The following MEMO1 variants were observed in gnomAD, a reference collection of about 807,000 sequenced individuals.
The protein encoded by MEMO1 is mediator of cell motility 1, also known as protein MEMO1.
In MEMO1, 6 loss-of-function variants were observed where a neutral mutation model predicts 45.2. That is an observed-to-expected ratio of 0.13 (90% confidence interval 0.07 to 0.26). The LOEUF is 0.26. Among genes scored for constraint, MEMO1 ranks in the 10% least tolerant of loss-of-function variants. The probability of loss-of-function intolerance (pLI) is 1.00; values close to 1 mark genes in which losing one functional copy is unlikely to be tolerated. For synonymous variants in MEMO1, 78 were observed against 124.3 expected (o/e 0.63, Z 2.48); for missense variants, 184 against 370.5 (o/e 0.50, Z 4.13).
intron 2 of MEMO1, among the ~76,000 whole-genome samples, chr2:31,996,202 GA>G (rs1197016774): frequency 1.3e-5 from 2 of 151,532 alleles, no homozygotes; most frequent in Non-Finnish European, 2.9e-5. Context: ...GAGAGAGACA[GA>G]GGGGGAGAGA....
At chr2:31,873,665 A>G (rs1218999576) in intron 8 of MEMO1, among the ~76,000 whole-genome samples, 3 of 152,170 alleles carry the variant, frequency 2.0e-5, no homozygotes, top group Non-Finnish European at 4.4e-5. Flanking sequence ...CGAAATAAAA[A>G]CCAGAATCAT....
At chr2:31,997,336 G>A (rs1254814657) in intron 2 of MEMO1, among the ~76,000 whole-genome samples, 1 of 152,120 alleles carries the variant, frequency 6.6e-6, no homozygotes, top group African/African-American at 2.4e-5. Flanking sequence ...AATACTCAGA[G>A]AATATACGCA....
intron 2 of MEMO1, among the ~76,000 whole-genome samples, chr2:31,952,637 T>C (rs1666965447): frequency 6.6e-6 from 1 of 152,198 alleles, no homozygotes; most frequent in African/African-American, 2.4e-5. Context: ...CAAATGCCAC[T>C]AAATACTTTG....
intron 2 of MEMO1, among the ~76,000 whole-genome samples, chr2:31,952,192 C>T (rs1054268698): frequency 6.6e-6 from 1 of 152,154 alleles, no homozygotes; most frequent in Non-Finnish European, 1.5e-5. Flanking sequence ...TTTATATAAA[C>T]CTCAAAGGTT....
chr2:31,909,763 A>G (rs886995849), intron 6 of MEMO1, among the ~76,000 whole-genome samples: 2 of 152,172 alleles, frequency 1.3e-5, no homozygotes, highest in Non-Finnish European at 2.9e-5. Flanking sequence ...TTTAAATCCT[A>G]AAATTTATAA....
chr2:31,874,206 T>G (rs1348380342), intron 8 of MEMO1, among the ~76,000 whole-genome samples: 1 of 152,116 alleles, frequency 6.6e-6, no homozygotes, highest in Non-Finnish European at 1.5e-5. Context: ...AATGATAACC[T>G]ATGACCATCT....
intron 2 of MEMO1, among the ~76,000 whole-genome samples, chr2:32,001,452 G>A (rs555960100): frequency 4.0e-5 from 6 of 151,882 alleles, no homozygotes; most frequent in Non-Finnish European, 8.8e-5. Flanking sequence ...CTAAGCATTC[G>A]TTTTTAGTTA....
chr2:31,948,173 A>G (rs2148344602), intron 2 of MEMO1, among the ~76,000 whole-genome samples: 1 of 152,346 alleles, frequency 6.6e-6, no homozygotes, highest in East Asian at 1.9e-4. Context: ...TATGTATACA[A>G]AGTTTCCTCT....
chr2:31,952,363 T>C (rs1666937335), intron 2 of MEMO1, among the ~76,000 whole-genome samples: 2 of 152,228 alleles, frequency 1.3e-5, no homozygotes, highest in Non-Finnish European at 2.9e-5. Flanking sequence ...AACCACCTCT[T>C]AGATTTGGCC....
chr2:32,005,027 G>C (rs1017939047), intron 2 of MEMO1, among the ~76,000 whole-genome samples: 1 of 151,036 alleles, frequency 6.6e-6, no homozygotes, highest in African/African-American at 2.4e-5. Flanking sequence ...ACCAAAAAAA[G>C]GTATAAAAGT....
At chr2:31,976,962 A>G (rs1378519201) in intron 2 of MEMO1, among the ~76,000 whole-genome samples, 1 of 152,188 alleles carries the variant, frequency 6.6e-6, no homozygotes, top group Non-Finnish European at 1.5e-5. Flanking sequence ...CACCAGCAAC[A>G]GCCGTTTCCA....
intron 8 of MEMO1, among the ~76,000 whole-genome samples, chr2:31,879,113 C>T (rs1316756546): frequency 6.6e-6 from 1 of 152,134 alleles, no homozygotes; most frequent in Non-Finnish European, 1.5e-5. Flanking sequence ...AACATTGCTC[C>T]TTTCTGTCAT....
At chr2:31,949,213 A>G (rs1666532332) in intron 2 of MEMO1, among the ~76,000 whole-genome samples, 1 of 152,208 alleles carries the variant, frequency 6.6e-6, no homozygotes, top group African/African-American at 2.4e-5. Flanking sequence ...GGCTCCTCAA[A>G]AAATTGAAAA....
chr2:31,956,770 T>C (rs1667458698), intron 2 of MEMO1, among the ~76,000 whole-genome samples: 1 of 152,230 alleles, frequency 6.6e-6, no homozygotes, highest in African/African-American at 2.4e-5. Context: ...TACAATACGT[T>C]GCCATTTTTG....
intron 6 of MEMO1, among the ~76,000 whole-genome samples, chr2:31,916,392 C>T (rs574766901): frequency 6.6e-6 from 1 of 152,198 alleles, no homozygotes; most frequent in South Asian, 2.1e-4. Context: ...CCACACACCG[C>T]TAATTTTTCT....
intron 2 of MEMO1, among the ~76,000 whole-genome samples, chr2:32,004,786 G>A (rs1331783575): frequency 6.6e-6 from 1 of 152,018 alleles, no homozygotes; most frequent in Non-Finnish European, 1.5e-5. Context: ...AATTATCCGG[G>A]TGTGGTGGTG....
intron 4 of MEMO1, among the ~76,000 whole-genome samples, chr2:31,929,295 T>C (rs760836509): frequency 6.6e-6 from 1 of 152,198 alleles, no homozygotes; most frequent in Non-Finnish European, 1.5e-5. Flanking sequence ...ATTTTTATTA[T>C]TTTTGATATT....
At position 31,877,740 on chromosome 2, in the gene MEMO1, A is replaced by G. The variant is rs1279989202; in HGVS notation, c.657+5646T>C. Among the ~76,000 whole-genome samples, 3 of 152,160 alleles carry G rather than the reference A, an allele frequency of 2.0e-5. No homozygotes were observed. The East Asian group carries it at 5.8e-4, about 29-fold the overall frequency. On this transcript the variant is annotated intron_variant, in intron 8 of 9. Coordinates refer to ENST00000404530, the MANE Select transcript of MEMO1 (RefSeq NM_001301833.4). ...TACATTAATAATACTATTCATAAAT[A>G]TTTAAATACTTCATTGTACCTTCTA...
At chr2:31,921,395 A>C (rs1167221442) in intron 4 of MEMO1, among the ~76,000 whole-genome samples, 3 of 152,198 alleles carry the variant, frequency 2.0e-5, no homozygotes, top group Non-Finnish European at 4.4e-5. Context: ...CTTGCTCCTC[A>C]GTTAAGTTCA....
Sources: gnomAD v4.1 joint callset for allele counts (sites outside exome capture counted in the v4.1 genomes callset) on GRCh38, gnomAD v4.1.1 for gene constraint, MANE v1.5 for transcripts, NCBI Gene and HGNC (gene_info 2026-07-23, HGNC 2026-07-21) for gene names.